NAT2: variants seen among roughly 807,000 people sequenced by gnomAD.
NAT2 encodes arylamine N-acetyltransferase 2.
For missense variants in NAT2, 428 were observed against 339.1 expected, an observed-to-expected ratio of 1.26 and a Z score of -2.06; for synonymous variants, 137 against 125.9, an observed-to-expected ratio of 1.09 and a Z score of -0.59.
upstream of NAT2, among the ~76,000 whole-genome samples, chr8:18,390,750 A>T (rs1218904325): frequency 6.6e-6 from 1 of 152,140 alleles, no homozygotes; most frequent in African/African-American, 2.4e-5. Context: ...AAGCCATATG[A>T]TACATGTGAC....
At chr8:18,399,908 A>G in intron 1 of NAT2, 90 bp from the exon 2 acceptor site, 1 of 1,379,996 alleles carries the variant, frequency 7.2e-7, no homozygotes, top group Non-Finnish European at 9.8e-7. Context: ...GTTTTTACGT[A>G]TTTAAAATAC....
At position 18,400,336 on chromosome 8, in the gene NAT2, G is replaced by C. The variant is rs754884737; in HGVS notation, c.333G>C (p.Gln111His). The C allele has an allele frequency of 2.5e-6, 4 of 1,613,620 alleles. No homozygotes were observed. In the Middle Eastern group the frequency reaches 6.6e-4, roughly 266 times the overall value. Residue 111 changes from glutamine to histidine, a missense_variant, in exon 2 of 2, where the codon CAG (glutamine) becomes CAC (histidine). Transcript: ENST00000286479. ...CTGGCATGGTTCACCTTCTCCTGCA[G>C]GTGACCATTGACGGCAGGAATTACA... The part of the protein sequence containing the change: ...YSTGMVHLLL[Q>H]VTIDGRNYIV...
intron 1 of NAT2, among the ~76,000 whole-genome samples, chr8:18,398,025 T>G (rs1800722303): frequency 6.6e-6 from 1 of 152,212 alleles, no homozygotes; most frequent in African/African-American, 2.4e-5. Flanking sequence ...CTCTGAAGGA[T>G]TACTGAAAAA....
At chr8:18,388,486 G>A (rs961479833), upstream of NAT2, among the ~76,000 whole-genome samples, 6 of 48,294 alleles carry the variant, frequency 1.2e-4, no homozygotes, top group Non-Finnish European at 2.3e-4. Flanking sequence ...TATGCTAAAT[G>A]TTAAAGTAGA....
At position 18,400,914 on chromosome 8, in the gene NAT2, C is replaced by A. The variant is rs574856610; in HGVS notation, c.*38C>A. The A allele has an allele frequency of 1.1e-5, 16 of 1,462,434 alleles. No homozygotes were observed. Among genetic ancestry groups the A allele is most frequent in the Non-Finnish European group, 1.5e-5 (16 of 1,088,382 alleles). 90.6% of individuals were successfully genotyped at this position (1,462,434 alleles called of 1,614,324 possible). On this transcript the variant is annotated 3_prime_UTR_variant, in exon 2 of 2. Coordinates refer to ENST00000286479, the MANE Select transcript of NAT2 (RefSeq NM_000015.3). ...AATAAACCCTTGTGTATGTATCACC[C>A]AACTCACTAATTATCAACTTATGTG...
At chr8:18,399,206 C>T (rs1015607675) in intron 1 of NAT2, among the ~76,000 whole-genome samples, 1 of 152,080 alleles carries the variant, frequency 6.6e-6, no homozygotes, top group Non-Finnish European at 1.5e-5. Context: ...TGGAACAATC[C>T]TCCTCACACA....
chr8:18,399,495 C>T (rs568128478), intron 1 of NAT2, among the ~76,000 whole-genome samples: 2 of 152,118 alleles, frequency 1.3e-5, no homozygotes, highest in Non-Finnish European at 2.9e-5. Flanking sequence ...TTTCTTGAAT[C>T]AATCAGTGAA....
chr8:18,397,862 G>C (rs946069907), intron 1 of NAT2, among the ~76,000 whole-genome samples: 1 of 151,974 alleles, frequency 6.6e-6, no homozygotes, highest in Non-Finnish European at 1.5e-5. Context: ...TGTTGGCTCT[G>C]GCAAATTTTT....
chr8:18,391,423 A>G (rs1028749961), intron 1 of NAT2, 78 bp downstream of exon 1: 2 of 152,062 alleles, frequency 1.3e-5, no homozygotes, highest in Non-Finnish European at 2.9e-5. Context: ...AAGTCCCCCT[A>G]CTGACTGAAT....
At chr8:18,395,949 A>AT (rs1333356867) in intron 1 of NAT2, among the ~76,000 whole-genome samples, 211 of 115,404 alleles carry the variant, frequency 1.8e-3, no homozygotes, top group African/African-American at 7.4e-3. Context: ...TCCCCAACCC[A>AT]TCTTTTTTTT....
chr8:18,393,643 T>A (rs991030454), intron 1 of NAT2, among the ~76,000 whole-genome samples: 1 of 152,202 alleles, frequency 6.6e-6, no homozygotes, highest in Non-Finnish European at 1.5e-5. Flanking sequence ...TCAGCAGATA[T>A]GCATGAAGGT....
chr8:18,394,869 A>G (rs928018424), intron 1 of NAT2, among the ~76,000 whole-genome samples: 1 of 152,240 alleles, frequency 6.6e-6, no homozygotes, highest in Admixed American at 6.5e-5. Flanking sequence ...TTATATTCCC[A>G]TAAATTAGCA....
intron 1 of NAT2, among the ~76,000 whole-genome samples, chr8:18,392,286 G>C (rs982451396): frequency 1.3e-5 from 2 of 152,218 alleles, no homozygotes; most frequent in Non-Finnish European, 2.9e-5. Context: ...ACAAGGTGAC[G>C]TCCCACAGTA....
chr8:18,397,676 T>C (rs1322311126), intron 1 of NAT2, among the ~76,000 whole-genome samples: 1 of 152,210 alleles, frequency 6.6e-6, no homozygotes, highest in Non-Finnish European at 1.5e-5. Context: ...TAAGGGTTTC[T>C]TAAAGTATTG....
rs1437892526 is a variant in NAT2 at position 18,395,438 on chromosome 8, G to A, written c.-7+4093G>A. ...GACATCAGAATGATAGGAATATCAC[G>A]CAATGTTGAAAAACATACTAGTAAC... On this transcript the variant is annotated intron_variant, in intron 1 of 1. Transcript: ENST00000286479. Among the ~76,000 whole-genome samples the A allele has an allele frequency of 3.3e-5, 5 of 152,066 alleles. 1 individual carries two copies. Among genetic ancestry groups the A allele is most frequent in the South Asian group, 4.2e-4 (2 of 4,816 alleles).
intron 1 of NAT2, among the ~76,000 whole-genome samples, chr8:18,391,615 A>G (rs1043209718): frequency 8.5e-5 from 13 of 152,212 alleles, no homozygotes; most frequent in Non-Finnish European, 1.9e-4. Flanking sequence ...GTTTGTGGGA[A>G]TAAGATACCA....
chr8:18,386,603 G>C (rs980256024), upstream of NAT2, among the ~76,000 whole-genome samples: 2 of 152,176 alleles, frequency 1.3e-5, no homozygotes, highest in African/African-American at 2.4e-5. Flanking sequence ...CTCCCTTCCA[G>C]TGAGTTTTGG....
intron 1 of NAT2, among the ~76,000 whole-genome samples, chr8:18,396,174 T>C (rs1368725690): frequency 6.6e-6 from 1 of 152,100 alleles, no homozygotes; most frequent in African/African-American, 2.4e-5. Context: ...CATTTTATAA[T>C]TTTCCATAAA....
rs1310257229 is a variant in NAT2 at position 18,400,778 on chromosome 8, A to G, written c.775A>G (p.Thr259Ala). The stretch of plus-strand genomic sequence containing the variant: ...AGATCTGGTCGAGTTTAAAACTCTC[A>G]CTGAGGAAGAGGTTGAAGAAGTGCT... ...NTDLVEFKTL[T>A]EEEVEEVLRN... The change falls in exon 2 of 2, where the codon ACT becomes GCT. Residue 259 changes from threonine to alanine, a missense_variant. Coordinates refer to ENST00000286479, the MANE Select transcript of NAT2 (RefSeq NM_000015.3). 6.2e-7 allele frequency: 1 copy of G among 1,613,392 alleles called. No homozygotes were observed. The highest frequency in any genetic ancestry group is 1.3e-5 in the African/African-American group (1 of 75,000).
Sources: allele counts gnomAD v4.1 joint callset (sites outside exome capture counted in the v4.1 genomes callset), GRCh38; gene constraint gnomAD v4.1.1; transcripts MANE v1.5; gene names NCBI Gene and HGNC (gene_info 2026-07-23, HGNC 2026-07-21).